Variants in FYB1 observed in about 807,000 individuals in gnomAD.
FYB1 encodes FYN binding protein 1, also known as FYN-binding protein 1.
In FYB1, 41 loss-of-function variants were observed where a neutral mutation model predicts 94.1. That is an observed-to-expected ratio of 0.44 (90% CI 0.34 to 0.57). FYB1 has a LOEUF of 0.57. FYB1 is among the 20% of genes least tolerant of loss of function. The pLI is 0.02. For synonymous variants in FYB1, 367 were observed against 353.2 expected (o/e 1.04, Z -0.44); for missense variants, 1,050 against 976.8 (o/e 1.07, Z -1.00).
intron 1 of FYB1, among the ~76,000 whole-genome samples, chr5:39,233,826 T>C (rs1446701816): frequency 1.3e-5 from 2 of 152,142 alleles, no homozygotes; most frequent in Non-Finnish European, 2.9e-5. Flanking sequence ...CCTTTTCAGA[T>C]AATTATGTAG....
At chr5:39,265,975 ACT>A (rs955720155) in intron 1 of FYB1, among the ~76,000 whole-genome samples, 2 of 146,794 alleles carry the variant, frequency 1.4e-5, no homozygotes, top group Non-Finnish European at 1.5e-5. Flanking sequence ...CACAATTTTT[ACT>A]GTTTTTTTTT....
intron 1 of FYB1, among the ~76,000 whole-genome samples, chr5:39,250,518 T>C (rs562065775): frequency 6.6e-6 from 1 of 152,302 alleles, no homozygotes; most frequent in Non-Finnish European, 1.5e-5. Flanking sequence ...AACAAAAATA[T>C]CACCATCAAA....
chr5:39,188,511 C>A (rs1747052328), intron 2 of FYB1, among the ~76,000 whole-genome samples: 2 of 150,854 alleles, frequency 1.3e-5, no homozygotes, highest in Admixed American at 1.3e-4. Flanking sequence ...CCACTGCCCC[C>A]ACTCTAATCC....
chr5:39,180,919 T>G (rs926591856), intron 2 of FYB1, among the ~76,000 whole-genome samples: 1 of 152,256 alleles, frequency 6.6e-6, no homozygotes, highest in African/African-American at 2.4e-5. Context: ...AGAGATTATA[T>G]AAAAGATTAC....
intron 1 of FYB1, among the ~76,000 whole-genome samples, chr5:39,260,711 G>C (rs1317643759): frequency 2.6e-5 from 4 of 152,114 alleles, no homozygotes; most frequent in African/African-American, 4.8e-5. Context: ...TATCATTTAA[G>C]AGTGATGTCA....
At chr5:39,246,404 T>G (rs1162897052) in intron 1 of FYB1, among the ~76,000 whole-genome samples, 1 of 152,192 alleles carries the variant, frequency 6.6e-6, no homozygotes, top group Non-Finnish European at 1.5e-5. Context: ...CAATTCAGCT[T>G]GGAGTTATTG....
intron 2 of FYB1, among the ~76,000 whole-genome samples, chr5:39,162,789 C>G (rs528197033): frequency 6.6e-6 from 1 of 151,862 alleles, no homozygotes; most frequent in South Asian, 2.1e-4. Flanking sequence ...TATTATCACA[C>G]ATTTTTGGTC....
chr5:39,121,183 C>CAAAAAAAAAA lies in FYB1; in HGVS notation c.2138+1143_2138+1152dup, dbSNP rs56376626. ...GAATGTGATGTACAGTAATGTAAAG[C>CAAAAAAAAAA]AAAAAAAAAAAAAAAAAAAAAAGCA... On this transcript the variant is annotated intron_variant, in intron 14 of 18. Transcript: ENST00000512982. Among the ~76,000 whole-genome samples, 3 of 57,670 alleles carry CAAAAAAAAAA rather than the reference C, an allele frequency of 5.2e-5. 1 individual carries two copies. Among genetic ancestry groups the CAAAAAAAAAA allele is most frequent in the African/African-American group, 1.2e-4 (2 of 16,596 alleles). The allele number at this position is 57,670 out of a possible 152,430, so 37.8% of individuals were successfully genotyped here.
intron 10 of FYB1, 79 bp from the exon 11 acceptor site, chr5:39,127,886 A>C (rs574130733): frequency 5.9e-6 from 8 of 1,347,430 alleles, no homozygotes; most frequent in Admixed American, 5.5e-5. Flanking sequence ...TTAATTGTAA[A>C]TCTTCCTTAT....
At chr5:39,231,561 T>C (rs2150571955) in intron 1 of FYB1, among the ~76,000 whole-genome samples, 1 of 152,248 alleles carries the variant, frequency 6.6e-6, no homozygotes, top group East Asian at 1.9e-4. Context: ...AGCCCAGTCA[T>C]AAGAAATTAT....
intron 4 of FYB1, among the ~76,000 whole-genome samples, chr5:39,140,620 A>T (rs1163562164): frequency 6.6e-6 from 1 of 152,132 alleles, no homozygotes; most frequent in African/African-American, 2.4e-5. Flanking sequence ...CCGCATGGGG[A>T]TGAATACAAG....
At chr5:39,220,891 A>G (rs540252386), upstream of FYB1, among the ~76,000 whole-genome samples, 1 of 152,362 alleles carries the variant, frequency 6.6e-6, no homozygotes, top group African/African-American at 2.4e-5. Context: ...AAAAGGGAGA[A>G]GAAGCAAAAG....
chr5:39,120,510 G>A (rs551470211), intron 14 of FYB1, among the ~76,000 whole-genome samples: 28 of 152,086 alleles, frequency 1.8e-4, no homozygotes, highest in Middle Eastern at 3.4e-3. Context: ...CCAATTCCTG[G>A]ACATTCTAAT....
At chr5:39,185,521 A>AC (rs1554034722) in intron 2 of FYB1, among the ~76,000 whole-genome samples, 13 of 136,650 alleles carry the variant, frequency 9.5e-5, no homozygotes, top group African/African-American at 3.8e-4. Context: ...CTGACTAAAA[A>AC]AAAAATATAT....
chr5:39,261,373 A>ACACACACAC (rs1352189897), intron 1 of FYB1, among the ~76,000 whole-genome samples: 2 of 78,176 alleles, frequency 2.6e-5, no homozygotes, highest in East Asian at 7.8e-4. Context: ...CACACACACA[A>ACACACACAC]AGAAATTGTT....
At chr5:39,129,265 G>T (rs1215386645) in intron 10 of FYB1, among the ~76,000 whole-genome samples, 4 of 151,798 alleles carry the variant, frequency 2.6e-5, no homozygotes, top group Admixed American at 2.6e-4. Flanking sequence ...TATGGAAAAA[G>T]AATAAAACTA....
At chr5:39,170,005 G>T in intron 2 of FYB1, 1 of 738,238 alleles carries the variant, frequency 1.4e-6, no homozygotes, top group Non-Finnish European at 2.4e-6. Flanking sequence ...AAATTGGGAT[G>T]AAGGCCTAGG....
intron 3 of FYB1, among the ~76,000 whole-genome samples, chr5:39,145,950 T>C (rs1235898986): frequency 6.6e-6 from 1 of 151,724 alleles, no homozygotes; most frequent in Non-Finnish European, 1.5e-5. Flanking sequence ...TCTCACTCTG[T>C]TGCCCAGGCT....
chr5:39,228,318 C>A (rs191395104), intron 1 of FYB1, among the ~76,000 whole-genome samples: 1 of 152,096 alleles, frequency 6.6e-6, no homozygotes, highest in Non-Finnish European at 1.5e-5. Context: ...TTATTCTTTT[C>A]GTATTAGAAA....
Sources: gnomAD v4.1 joint callset for allele counts (sites outside exome capture counted in the v4.1 genomes callset) on GRCh38, gnomAD v4.1.1 for gene constraint, MANE v1.5 for transcripts, NCBI Gene and HGNC (gene_info 2026-07-23, HGNC 2026-07-21) for gene names.